Variants in PEBP4 observed in about 807,000 individuals in gnomAD.
PEBP4 encodes the protein phosphatidylethanolamine binding protein 4, also known as phosphatidylethanolamine-binding protein 4.
Under a neutral mutation model 23.9 loss-of-function variants are expected in PEBP4, and 22 were observed. The ratio of observed to expected loss-of-function variants is 0.92; its 90% confidence interval spans 0.66 to 1.31. The LOEUF is 1.31. Among genes scored for constraint, PEBP4 ranks in the 40% most tolerant of loss-of-function variants. The probability of loss-of-function intolerance (pLI) is 0.00; values close to 1 mark genes in which losing one functional copy is unlikely to be tolerated. For synonymous variants in PEBP4, 112 were observed against 99.3 expected (o/e 1.13, Z -0.76); for missense variants, 324 against 281.7 (o/e 1.15, Z -1.07).
In PEBP4 at chr8:22,927,861, G is replaced by A. The variant is rs753893491; in HGVS notation, c.-45C>T. The A allele has an allele frequency of 8.4e-6, 8 of 955,212 alleles. No homozygotes were observed. The highest frequency in any genetic ancestry group is 1.2e-5 in the Non-Finnish European group (8 of 654,438). 59.2% of individuals were successfully genotyped at this position (955,212 alleles called of 1,614,324 possible). A position where few individuals can be genotyped will look rare whatever the true frequency, so the allele number is the denominator to read the frequency against. ...CAGGGAGAAGGACAGGCAGCTTCCA[G>A]GGCTCCGCAGCTAATCCAGTCCACC... On this transcript the variant is annotated 5_prime_UTR_variant, in exon 1 of 7. Transcript: ENST00000256404.
At chr8:22,778,019 C>T (rs575850819) in intron 4 of PEBP4, among the ~76,000 whole-genome samples, 3 of 152,160 alleles carry the variant, frequency 2.0e-5, no homozygotes, top group South Asian at 4.1e-4. Flanking sequence ...AGTCCCACAA[C>T]GATGGGACCC....
Position 22,938,144 on chromosome 8 carries a change from C to T in PEBP4, c.145-10424G>A, listed in dbSNP as rs533711683. On this transcript the variant is annotated intron_variant, in intron 1 of 1. Coordinates refer to the PEBP4 transcript ENST00000522278. ...CACTATCAAGACAGTGAAGAGACAA[C>T]CTGCAGAATGAGAGAAAAAAAAAAT... 4.9e-4 allele frequency among the ~76,000 whole-genome samples: 75 copies of T among 152,210 alleles called. 1 individual carries two copies. The highest frequency in any genetic ancestry group is 9.8e-4 in the Admixed American group (15 of 15,290).
At chr8:22,899,081 C>A (rs766442632) in intron 3 of PEBP4, among the ~76,000 whole-genome samples, 3 of 152,224 alleles carry the variant, frequency 2.0e-5, no homozygotes, top group Non-Finnish European at 2.9e-5. Flanking sequence ...GGACCCTGGA[C>A]AAGCTACACA....
intron 3 of PEBP4, among the ~76,000 whole-genome samples, chr8:22,898,161 G>T (rs1808627869): frequency 6.6e-6 from 1 of 151,982 alleles, no homozygotes; most frequent in Admixed American, 6.6e-5. Flanking sequence ...GGAAGCCGAG[G>T]CGGGTGGATC....
At chr8:22,822,941 GAAT>G (rs1806892303) in intron 3 of PEBP4, among the ~76,000 whole-genome samples, 1 of 151,696 alleles carries the variant, frequency 6.6e-6, no homozygotes, top group Non-Finnish European at 1.5e-5. Context: ...GAACATCACA[GAAT>G]AATTCTAAAG....
At chr8:22,867,588 G>A (rs1452754483) in intron 3 of PEBP4, among the ~76,000 whole-genome samples, 1 of 152,190 alleles carries the variant, frequency 6.6e-6, no homozygotes, top group African/African-American at 2.4e-5. Flanking sequence ...ACAAAGGCCA[G>A]TTCACTGCCC....
At position 22,921,519 on chromosome 8, in the gene PEBP4, T is replaced by TCCACCTC. The variant is rs1225472783; in HGVS notation, c.132-1216_132-1210dup. Among the ~76,000 whole-genome samples, 488 of 152,266 alleles carry TCCACCTC rather than the reference T, an allele frequency of 3.2e-3. 2 individuals are homozygous for TCCACCTC. Among genetic ancestry groups the TCCACCTC allele is most frequent in the African/African-American group, 0.01 (433 of 41,542 alleles). On this transcript the variant is annotated intron_variant, in intron 2 of 6. Coordinates refer to ENST00000256404, the MANE Select transcript of PEBP4 (RefSeq NM_144962.3). ...GAACCCTGCATTGCCCCTCCCACCT[T>TCCACCTC]CCACCTCCCACCCTTCCAGTGGCTC... is the stretch of plus-strand genomic sequence containing the variant.
intron 6 of PEBP4, among the ~76,000 whole-genome samples, chr8:22,723,503 T>C (rs373541593): frequency 6.6e-6 from 1 of 151,796 alleles, no homozygotes; most frequent in Non-Finnish European, 1.5e-5. Context: ...AGTCTCATGG[T>C]GGGGCTCAGA....
intron 3 of PEBP4, among the ~76,000 whole-genome samples, chr8:22,841,332 A>C (rs1156986029): frequency 6.6e-6 from 1 of 152,262 alleles, no homozygotes; most frequent in Non-Finnish European, 1.5e-5. Flanking sequence ...AGAGTTCTTT[A>C]GGGGGTAAAT....
At chr8:22,744,558 A>G (rs1367921269) in intron 4 of PEBP4, 2 of 152,302 alleles carry the variant, frequency 1.3e-5, no homozygotes, top group Non-Finnish European at 2.9e-5. Context: ...CGTGCCCCTA[A>G]CCAAGCTCCC....
At position 22,713,320 on chromosome 8, in the gene PEBP4, C is replaced by G; in HGVS notation, c.*50G>C. On this transcript the variant is annotated 3_prime_UTR_variant, in exon 7 of 7. Coordinates refer to ENST00000256404, the MANE Select transcript of PEBP4 (RefSeq NM_144962.3). ...TCCAGAGGGGGTTCCATACCCACATCGTCGGTGGTGGGCAGTGTGGCCACA... is the reference window on the plus strand; with the variant it reads ...TCCAGAGGGGGTTCCATACCCACATGGTCGGTGGTGGGCAGTGTGGCCACA... 1 of 1,520,948 alleles carries G rather than the reference C, an allele frequency of 6.6e-7. No individual in the cohort carries two copies. Among genetic ancestry groups the G allele is most frequent in the Non-Finnish European group, 8.8e-7 (1 of 1,136,830 alleles). 94.2% of individuals were successfully genotyped at this position (1,520,948 alleles called of 1,614,324 possible). A position where few individuals can be genotyped will look rare whatever the true frequency, so the allele number is the denominator to read the frequency against.
intron 6 of PEBP4, among the ~76,000 whole-genome samples, chr8:22,723,615 T>G (rs1804563746): frequency 6.6e-6 from 1 of 152,190 alleles, no homozygotes; most frequent in Non-Finnish European, 1.5e-5. Context: ...TGGAGACAGT[T>G]TTTCTTGGTC....
At chr8:22,917,395 T>G (rs1423790810) in intron 3 of PEBP4, among the ~76,000 whole-genome samples, 1 of 152,064 alleles carries the variant, frequency 6.6e-6, no homozygotes, top group Non-Finnish European at 1.5e-5. Flanking sequence ...ACTACCACCT[T>G]CCCTAGGAAG....
At chr8:22,861,936 T>C (rs536775732) in intron 3 of PEBP4, among the ~76,000 whole-genome samples, 1 of 152,282 alleles carries the variant, frequency 6.6e-6, no homozygotes, top group South Asian at 2.1e-4. Context: ...GGCATACTGG[T>C]TGGATCGGGA....
At chr8:22,856,028 C>A (rs1440029022) in intron 3 of PEBP4, among the ~76,000 whole-genome samples, 5 of 112,766 alleles carry the variant, frequency 4.4e-5, no homozygotes, top group Non-Finnish European at 6.7e-5. Context: ...CCAGCCTGGG[C>A]GAGGGTGAGA....
At chr8:22,803,678 AAAAAT>A (rs941178943) in intron 4 of PEBP4, among the ~76,000 whole-genome samples, 5 of 152,106 alleles carry the variant, frequency 3.3e-5, no homozygotes, top group Non-Finnish European at 7.4e-5. Context: ...ATAATAATAA[AAAAAT>A]AAAATAAAAT....
intron 4 of PEBP4, among the ~76,000 whole-genome samples, chr8:22,809,551 A>T (rs1256552930): frequency 6.6e-6 from 1 of 152,100 alleles, no homozygotes; most frequent in Non-Finnish European, 1.5e-5. Flanking sequence ...TTTGGGCTCC[A>T]ATCTCAGGCC....
chr8:22,898,391 C>CAAAAAAAAAAAAA lies in PEBP4; in HGVS notation c.258+21780_258+21792dup, dbSNP rs536993520. Among the ~76,000 whole-genome samples the CAAAAAAAAAAAAA allele has an allele frequency of 3.1e-3, 25 of 7,964 alleles. 9 individuals are homozygous for CAAAAAAAAAAAAA. The highest frequency in any genetic ancestry group is 7.6e-3 in the Admixed American group (5 of 654). The allele number at this position is 7,964 out of a possible 152,430, so 5.2% of individuals were successfully genotyped here. A position where few individuals can be genotyped will look rare whatever the true frequency, so the allele number is the denominator to read the frequency against. On this transcript the variant is annotated intron_variant, in intron 3 of 6. Coordinates refer to ENST00000256404, the MANE Select transcript of PEBP4 (RefSeq NM_144962.3). ...TGAGCGACAGAGGAAGACTCCACCC[C>CAAAAAAAAAAAAA]AAAAAAAAAAAAAAAAAAAAAAAAA...
chr8:22,877,523 G>C (rs748955461), intron 3 of PEBP4, among the ~76,000 whole-genome samples: 2 of 152,182 alleles, frequency 1.3e-5, no homozygotes, highest in Non-Finnish European at 2.9e-5. Context: ...TAGCCAAATG[G>C]CTGGGAAACT....
Sources: allele counts gnomAD v4.1 joint callset (sites outside exome capture counted in the v4.1 genomes callset), GRCh38; gene constraint gnomAD v4.1.1; transcripts MANE v1.5; gene names NCBI Gene and HGNC (gene_info 2026-07-23, HGNC 2026-07-21).